HTRA1: variants seen among roughly 807,000 people sequenced by gnomAD.
HTRA1 encodes the protein HtrA serine peptidase 1.
Under a neutral mutation model 49.7 loss-of-function variants are expected in HTRA1, and 26 were observed. The ratio of observed to expected loss-of-function variants is 0.52; its 90% CI spans 0.38 to 0.73. The LOEUF is 0.73. Ranked by LOEUF, HTRA1 falls within the 30% of genes least tolerant of loss-of-function variation. HTRA1 has a pLI of 0.00. For synonymous variants in HTRA1, 291 were observed against 286.9 expected, an observed-to-expected ratio of 1.01 and a Z score of -0.14; for missense variants, 561 against 667.2, an observed-to-expected ratio of 0.84 and a Z score of 1.75.
At chr10:122,501,147 C>T (rs540466152) in intron 3 of HTRA1, among the ~76,000 whole-genome samples, 2 of 152,314 alleles carry the variant, frequency 1.3e-5, no homozygotes, top group African/African-American at 2.4e-5. Flanking sequence ...GCTATGAAGC[C>T]ATCCTGCCCA....
At chr10:122,498,771 G>A (rs1023128061) in intron 3 of HTRA1, among the ~76,000 whole-genome samples, 1 of 152,176 alleles carries the variant, frequency 6.6e-6, no homozygotes, top group Admixed American at 6.5e-5. Context: ...CCCTGAGCTC[G>A]CTGTTTTAAT....
rs1031524135 is a variant in HTRA1, at chr10:122,494,417, C to T, written c.777+4791C>T. Among the ~76,000 whole-genome samples the T allele has an allele frequency of 1.3e-5, 2 of 152,194 alleles. No homozygotes were observed. Among genetic ancestry groups the T allele is most frequent in the African/African-American group, 4.8e-5 (2 of 41,448 alleles). On this transcript the variant is annotated intron_variant, in intron 3 of 8. Coordinates refer to ENST00000368984, the MANE Select transcript of HTRA1 (RefSeq NM_002775.5). This position sits in a 1 kb window ranked among gnomAD's most constrained non-coding sequence, Gnocchi z 4.0. ...AATGAGGAAATGACCCTGCAGAAGGCTGGCTGCAGATGCCCCTGCCTCCCG... is the reference window on the plus strand; with the variant it reads ...AATGAGGAAATGACCCTGCAGAAGGTTGGCTGCAGATGCCCCTGCCTCCCG...
chr10:122,514,255 G>T lies in HTRA1; in HGVS notation c.1339G>T (p.Asp447Tyr), dbSNP rs1422468280. 5.6e-6 allele frequency: 9 copies of T among 1,613,986 alleles called. No individual in the cohort carries two copies. The highest frequency in any genetic ancestry group is 2.7e-5 in the African/African-American group (2 of 74,908). The part of the protein sequence containing the change: ...INGQSVVSAN[D>Y]VSDVIKREST... ...TGGACAGTCCGTGGTCTCCGCCAAT[G>T]ATGTCAGCGACGTCATTAAAAGGGA... Residue 447 changes from aspartate to tyrosine, a missense_variant, in exon 9 of 9, where the codon GAT becomes TAT. Asp to Tyr is a radical substitution (Grantham distance 160, BLOSUM62 -3). Coordinates refer to ENST00000368984, the MANE Select transcript of HTRA1 (RefSeq NM_002775.5).
Position 122,461,613 on chromosome 10 carries a change from C to T in HTRA1, c.-40C>T, listed in dbSNP as rs915993938. ...CTCCCCGGCGCCGCTCTCCGGCCCTCGCCCTGTCCGCCGCCACCGCCGCCG... is the reference window on the plus strand; with the variant it reads ...CTCCCCGGCGCCGCTCTCCGGCCCTTGCCCTGTCCGCCGCCACCGCCGCCG... On this transcript the variant is annotated 5_prime_UTR_variant, in exon 1 of 9. Coordinates refer to ENST00000368984, the MANE Select transcript of HTRA1 (RefSeq NM_002775.5). The T allele has an allele frequency of 4.9e-6, 6 of 1,234,260 alleles. No individual in the cohort carries two copies. The highest frequency in any genetic ancestry group is 6.3e-6 in the Non-Finnish European group (6 of 950,144). 76.5% of individuals were successfully genotyped at this position (1,234,260 alleles called of 1,614,324 possible).
intron 1 of HTRA1, among the ~76,000 whole-genome samples, chr10:122,480,311 G>A (rs1174704115): frequency 1.3e-5 from 2 of 151,352 alleles, no homozygotes; most frequent in South Asian, 2.2e-4. Context: ...GATGCTCTGC[G>A]TTTGTGAACC....
At chr10:122,496,315 T>G (rs1043530680) in intron 3 of HTRA1, among the ~76,000 whole-genome samples, 16 of 148,400 alleles carry the variant, frequency 1.1e-4, no homozygotes, top group Non-Finnish European at 1.9e-4. Context: ...TATTTTTGTC[T>G]ATTTCTCTGT....
intron 1 of HTRA1, among the ~76,000 whole-genome samples, chr10:122,470,815 G>A (rs1191361544): frequency 1.3e-5 from 2 of 152,126 alleles, no homozygotes; most frequent in East Asian, 3.9e-4. Flanking sequence ...ACCAAGAATA[G>A]TGAAGCCAGA....
chr10:122,501,996 T>A, intron 3 of HTRA1, among the ~76,000 whole-genome samples: 1 of 46,032 alleles, frequency 2.2e-5, no homozygotes, highest in African/African-American at 7.6e-5. Context: ...TTTTTTTTTG[T>A]CACTTGCAGT....
Position 122,514,222 on chromosome 10 carries a change from A to G in HTRA1, c.1306A>G (p.Ser436Gly). 1.2e-6 allele frequency: 2 copies of G among 1,614,078 alleles called. No individual in the cohort carries two copies. The highest frequency in any genetic ancestry group is 1.7e-6 in the Non-Finnish European group (2 of 1,180,014). ...GGLKENDVII[S>G]INGQSVVSAN... ...TCTCAAGGAAAACGACGTCATAATC[A>G]GCATCAATGGACAGTCCGTGGTCTC... Residue 436 changes from serine to glycine, a missense_variant, in exon 9 of 9, where the codon AGC (serine) becomes GGC (glycine). Physicochemically the swap from Ser to Gly is moderately conservative, Grantham distance 56 (BLOSUM62 0). Coordinates refer to ENST00000368984, the MANE Select transcript of HTRA1 (RefSeq NM_002775.5).
chr10:122,484,863 G>A (rs187179161), intron 1 of HTRA1, among the ~76,000 whole-genome samples: 302 of 152,236 alleles, frequency 2.0e-3, no homozygotes, highest in African/African-American at 6.0e-3. Flanking sequence ...AGCAGTGGAC[G>A]CCCCCACCCT....
chr10:122,501,876 T>C (rs940369461), intron 3 of HTRA1, among the ~76,000 whole-genome samples: 2 of 151,718 alleles, frequency 1.3e-5, no homozygotes, highest in Admixed American at 6.6e-5. Flanking sequence ...AGCCTTGTTC[T>C]TGATGCTGTC....
chr10:122,468,899 GAAA>G (rs2097484916), intron 1 of HTRA1, among the ~76,000 whole-genome samples: 1 of 151,972 alleles, frequency 6.6e-6, no homozygotes, highest in South Asian at 2.1e-4. Flanking sequence ...CTTAAGGAAG[GAAA>G]AAAAGGCAAA....
chr10:122,474,126 G>T (rs569625830), intron 1 of HTRA1, among the ~76,000 whole-genome samples: 3 of 152,128 alleles, frequency 2.0e-5, no homozygotes, highest in African/African-American at 7.2e-5. Context: ...TGGGGATTAC[G>T]CACTGAAAGG....
At chr10:122,473,500 T>C (rs538213155) in intron 1 of HTRA1, among the ~76,000 whole-genome samples, 1 of 152,242 alleles carries the variant, frequency 6.6e-6, no homozygotes, top group East Asian at 1.9e-4. Context: ...TAACAGGAGC[T>C]GCATATACAA....
rs2097505868 is a variant in HTRA1, at chr10:122,511,994, G to A, written c.1203G>A (p.Arg401=). 5 of 1,613,786 alleles carry A rather than the reference G, an allele frequency of 3.1e-6. No homozygotes were observed. Among genetic ancestry groups the A allele is most frequent in the Non-Finnish European group, 3.4e-6 (4 of 1,179,928 alleles). The change falls in exon 8 of 9, where the codon CGG becomes CGA. Residue 401 remains arginine, a synonymous_variant. Transcript: ENST00000368984. ...TSSKAKELKD[R]HRDFPDVISG... is the part of the protein sequence containing the mutation. ...GCAAAGCCAAAGAGCTGAAGGACCG[G>A]CACCGGGACTTCCCAGACGTGATCT...
intron 8 of HTRA1, 44 bp from the exon 9 acceptor site, chr10:122,514,147 T>C: frequency 1.3e-6 from 2 of 1,591,212 alleles, no homozygotes; most frequent in Non-Finnish European, 1.7e-6. Flanking sequence ...CCAGGAGGAA[T>C]GGAAACACGA....
chr10:122,468,401 T>C (rs1565408797), intron 1 of HTRA1, among the ~76,000 whole-genome samples: 1 of 123,296 alleles, frequency 8.1e-6, no homozygotes, highest in East Asian at 2.4e-4. Flanking sequence ...GTGTTGTCAT[T>C]GTCATCATCA....
intron 1 of HTRA1, among the ~76,000 whole-genome samples, chr10:122,486,318 GT>G (rs1479402944): frequency 6.6e-6 from 1 of 152,134 alleles, no homozygotes; most frequent in Non-Finnish European, 1.5e-5. Context: ...CAATGAAAGG[GT>G]TTTGAAAGCA....
chr10:122,507,478 G>GTTT, intron 5 of HTRA1, 76 bp downstream of exon 5: 1 of 416,048 alleles, frequency 2.4e-6, no homozygotes, highest in Non-Finnish European at 3.9e-6. Flanking sequence ...TTTGTTTGTT[G>GTTT]TTTGTTTGTT....
Sources: gnomAD v4.1 joint callset for allele counts (sites outside exome capture counted in the v4.1 genomes callset) on GRCh38, gnomAD v4.1.1 for gene constraint, Gnocchi (gnomAD v3.1) non-coding constraint, MANE v1.5 for transcripts, NCBI Gene and HGNC (gene_info 2026-07-23, HGNC 2026-07-21) for gene names.